Variants in DLG2 observed in about 807,000 individuals in gnomAD.
DLG2 encodes discs large MAGUK scaffold protein 2.
In DLG2, 45 loss-of-function variants were observed where a neutral mutation model predicts 132.5. That is an observed-to-expected ratio of 0.34 (90% CI 0.27 to 0.44). The LOEUF is 0.44. Ranked by LOEUF, DLG2 falls within the 20% of genes least tolerant of loss-of-function variation. DLG2 has a pLI of 1.00. For missense variants in DLG2, 1,045 were observed against 1,196.9 expected (o/e 0.87, Z 1.87); for synonymous variants, 424 against 419.6 (o/e 1.01, Z -0.13).
intron 19 of DLG2, among the ~76,000 whole-genome samples, chr11:83,618,875 G>A (rs980016195): frequency 6.6e-6 from 1 of 152,124 alleles, no homozygotes; most frequent in African/African-American, 2.4e-5. Flanking sequence ...CCTACCCTCT[G>A]CATAGGTGTC....
chr11:85,248,998 G>A (rs769462694), intron 4 of DLG2, among the ~76,000 whole-genome samples: 13 of 152,068 alleles, frequency 8.5e-5, no homozygotes, highest in Non-Finnish European at 1.9e-4. Flanking sequence ...ATAATCATTT[G>A]ATGGGGAGAG....
chr11:84,124,906 A>G (rs1198212953), intron 9 of DLG2, among the ~76,000 whole-genome samples: 3 of 140,150 alleles, frequency 2.1e-5, no homozygotes, highest in Non-Finnish European at 4.5e-5. Flanking sequence ...GCTGGAGTGC[A>G]ATGGCGTGAT....
intron 3 of DLG2, among the ~76,000 whole-genome samples, chr11:85,540,117 T>G (rs1237098653): frequency 6.6e-6 from 1 of 152,044 alleles, no homozygotes; most frequent in East Asian, 1.9e-4. Context: ...AGGGGGGTGG[T>G]GCAGGAAGGG....
chr11:84,442,460 TAA>T (rs2099020102), intron 7 of DLG2, among the ~76,000 whole-genome samples: 1 of 152,006 alleles, frequency 6.6e-6, no homozygotes, highest in Non-Finnish European at 1.5e-5. Flanking sequence ...TTCTCACTCA[TAA>T]GTGGGAGTTG....
chr11:85,396,266 C>A (rs928166056), intron 3 of DLG2, among the ~76,000 whole-genome samples: 1 of 152,120 alleles, frequency 6.6e-6, no homozygotes, highest in Admixed American at 6.5e-5. Flanking sequence ...GAAACCCCAT[C>A]TTTAGGACAC....
At chr11:85,545,598 G>C (rs1272006032) in intron 3 of DLG2, among the ~76,000 whole-genome samples, 2 of 152,094 alleles carry the variant, frequency 1.3e-5, no homozygotes, top group African/African-American at 4.8e-5. Flanking sequence ...GTAGAATTTG[G>C]CTGTGAATCC....
intron 6 of DLG2, among the ~76,000 whole-genome samples, chr11:84,569,556 T>C (rs1464563365): frequency 6.6e-6 from 1 of 151,934 alleles, no homozygotes. Flanking sequence ...AAGAACCAGA[T>C]AGAAATCCTA....
chr11:84,293,382 A>G (rs1381564851), intron 7 of DLG2, among the ~76,000 whole-genome samples: 1 of 152,112 alleles, frequency 6.6e-6, no homozygotes, highest in African/African-American at 2.4e-5. Context: ...CACAATTTAA[A>G]GATATCATAG....
At chr11:84,910,970 G>T (rs972355803) in intron 6 of DLG2, among the ~76,000 whole-genome samples, 1 of 152,168 alleles carries the variant, frequency 6.6e-6, no homozygotes, top group African/African-American at 2.4e-5. Flanking sequence ...AAACTAGATG[G>T]CAGGGTCTGG....
At chr11:85,450,372 T>A (rs190298603) in intron 3 of DLG2, among the ~76,000 whole-genome samples, 132 of 152,242 alleles carry the variant, frequency 8.7e-4, no homozygotes, top group African/African-American at 3.0e-3. Context: ...TATCTTCACA[T>A]CTGTGTATAT....
intron 18 of DLG2, among the ~76,000 whole-genome samples, chr11:83,776,983 A>C (rs2094607267): frequency 6.6e-6 from 1 of 152,134 alleles, no homozygotes; most frequent in African/African-American, 2.4e-5. Flanking sequence ...CACTTTGTAT[A>C]ATTCGTTAGT....
intron 19 of DLG2, among the ~76,000 whole-genome samples, chr11:83,589,209 A>T (rs1269643252): frequency 6.6e-6 from 1 of 152,044 alleles, no homozygotes; most frequent in Non-Finnish European, 1.5e-5. Flanking sequence ...AAAGTTGAAA[A>T]AAAGGAAAAA....
intron 3 of DLG2, among the ~76,000 whole-genome samples, chr11:85,549,272 G>A (rs1349766873): frequency 2.6e-5 from 4 of 151,994 alleles, no homozygotes; most frequent in South Asian, 2.1e-4. Flanking sequence ...ATGAGGTGAC[G>A]CCCCACCCTG....
At chr11:85,398,910 C>A (rs1261326336) in intron 3 of DLG2, among the ~76,000 whole-genome samples, 2 of 150,752 alleles carry the variant, frequency 1.3e-5, no homozygotes, top group African/African-American at 2.4e-5. Context: ...GAGGGAATTC[C>A]AACACTATGT....
intron 7 of DLG2, among the ~76,000 whole-genome samples, chr11:84,493,726 G>A (rs186373755): frequency 1.3e-5 from 2 of 152,018 alleles, no homozygotes; most frequent in African/African-American, 4.8e-5. Flanking sequence ...ACTGTAAAAT[G>A]AGGATAATAA....
rs912966675 is a variant in DLG2 at position 84,588,555 on chromosome 11, A to G, written c.358-53824T>C. On this transcript the variant is annotated intron_variant, in intron 6 of 27. Coordinates refer to ENST00000376104, the MANE Select transcript of DLG2 (RefSeq NM_001142699.3). ...ACGGACTCTGAAGCCCTTTTGTCAG[A>G]GGCATTTGAACCAGAGCAGCTCCAT... 8.5e-5 allele frequency among the ~76,000 whole-genome samples: 13 copies of G among 152,124 alleles called. No homozygotes were observed. In the South Asian group the frequency reaches 2.7e-3, roughly 32 times the overall value.
At chr11:83,902,071 C>A (rs1246871800) in intron 15 of DLG2, among the ~76,000 whole-genome samples, 1 of 151,980 alleles carries the variant, frequency 6.6e-6, no homozygotes, top group East Asian at 1.9e-4. Context: ...AGTAATCGTG[C>A]TAAACACTAA....
At chr11:85,311,537 C>T (rs1297760093) in intron 3 of DLG2, among the ~76,000 whole-genome samples, 1 of 152,060 alleles carries the variant, frequency 6.6e-6, no homozygotes, top group African/African-American at 2.4e-5. Flanking sequence ...ATATAATCCC[C>T]TTTACATGAT....
chr11:83,777,277 T>C (rs2094617855), intron 18 of DLG2, among the ~76,000 whole-genome samples: 1 of 152,288 alleles, frequency 6.6e-6, no homozygotes, highest in South Asian at 2.1e-4. Flanking sequence ...TGAAACAAAG[T>C]GCAATTTGGA....
Sources: gnomAD v4.1 joint callset for allele counts (sites outside exome capture counted in the v4.1 genomes callset) on GRCh38, gnomAD v4.1.1 for gene constraint, MANE v1.5 for transcripts, NCBI Gene and HGNC (gene_info 2026-07-23, HGNC 2026-07-21) for gene names.